The following MAN2A1 variants were observed in gnomAD, a reference collection of about 807,000 sequenced individuals.
MAN2A1 encodes the protein alpha-mannosidase 2.
In MAN2A1, 76 loss-of-function variants were observed where a neutral mutation model predicts 142.6. The ratio of observed to expected loss-of-function variants is 0.53; its 90% CI spans 0.44 to 0.65. The LOEUF is 0.65. MAN2A1 is among the 30% of genes least tolerant of loss of function. The pLI is 0.00. For missense variants in MAN2A1, 1,311 were observed against 1,365.1 expected (o/e 0.96, Z 0.62); for synonymous variants, 559 against 473.2 (o/e 1.18, Z -2.35).
At chr5:109,762,645 A>T (rs1752883142) in intron 5 of MAN2A1, among the ~76,000 whole-genome samples, 1 of 152,132 alleles carries the variant, frequency 6.6e-6, no homozygotes, top group Non-Finnish European at 1.5e-5. Flanking sequence ...CTCCTACCTC[A>T]AGGTGCCTTG....
At position 109,703,656 on chromosome 5, in the gene MAN2A1, A is replaced by C. The variant is rs181697932; in HGVS notation, c.136-9864A>C. On this transcript the variant is annotated intron_variant, in intron 1 of 21. Coordinates refer to ENST00000261483, the MANE Select transcript of MAN2A1 (RefSeq NM_002372.4). The stretch of plus-strand genomic sequence containing the variant: ...CCATAGAACAGATTGGGAAGTGCTG[A>C]ATTAAAGAAAGAGTTCTGTTAGTCA... 4.3e-4 allele frequency among the ~76,000 whole-genome samples: 65 copies of C among 152,364 alleles called. 1 individual carries two copies. The East Asian group carries it at 9.2e-3, about 22-fold the overall frequency.
chr5:109,863,319 C>T (rs1008088271), intron 20 of MAN2A1: 13 of 152,322 alleles, frequency 8.5e-5, no homozygotes, highest in African/African-American at 3.1e-4. Context: ...CTAAGGGCTT[C>T]CTGTGTGCCA....
intron 3 of MAN2A1, among the ~76,000 whole-genome samples, chr5:109,717,277 C>G (rs1751483364): frequency 6.6e-6 from 1 of 151,962 alleles, no homozygotes; most frequent in Admixed American, 6.6e-5. Context: ...TCCTATTTTT[C>G]TATTTTGAAG....
At chr5:109,790,732 A>T (rs893552520) in intron 12 of MAN2A1, among the ~76,000 whole-genome samples, 2 of 152,036 alleles carry the variant, frequency 1.3e-5, no homozygotes, top group African/African-American at 4.8e-5. Context: ...TAGTTCTCTC[A>T]TCTATTAACT....
At chr5:109,774,326 G>A (rs1314497618) in intron 7 of MAN2A1, among the ~76,000 whole-genome samples, 2 of 151,930 alleles carry the variant, frequency 1.3e-5, no homozygotes, top group Non-Finnish European at 2.9e-5. Flanking sequence ...TGTTTAATCA[G>A]ATAATTTTAG....
At chr5:109,838,157 G>A (rs992035177) in intron 16 of MAN2A1, among the ~76,000 whole-genome samples, 1 of 152,000 alleles carries the variant, frequency 6.6e-6, no homozygotes, top group Non-Finnish European at 1.5e-5. Context: ...ACTCTTTTTG[G>A]CCTTTTTATT....
chr5:109,839,774 T>C (rs1336914292), intron 16 of MAN2A1, among the ~76,000 whole-genome samples: 1 of 151,792 alleles, frequency 6.6e-6, no homozygotes, highest in African/African-American at 2.4e-5. Flanking sequence ...AAGAGCAGTA[T>C]ATACCGGAAA....
intron 4 of MAN2A1, among the ~76,000 whole-genome samples, chr5:109,745,343 C>T (rs1284183937): frequency 6.6e-6 from 1 of 152,006 alleles, no homozygotes; most frequent in East Asian, 1.9e-4. Flanking sequence ...ATATGTCTCT[C>T]TTGATATGGA....
chr5:109,868,286 T>G lies in MAN2A1; in HGVS notation c.*1288T>G, dbSNP rs910675828. 2 of 152,226 alleles carry G rather than the reference T, an allele frequency of 1.3e-5. No individual in the cohort carries two copies. The highest frequency in any genetic ancestry group is 2.9e-5 in the Non-Finnish European group (2 of 68,030). The allele number at this position is 152,226 out of a possible 1,614,324, so 9.4% of individuals were successfully genotyped here. On this transcript the variant is annotated 3_prime_UTR_variant, in exon 22 of 22. Transcript: ENST00000261483. The stretch of plus-strand genomic sequence containing the variant: ...ATGTTTGTTCATTCAGTTCTCAACT[T>G]TTGTATGTGCTAACCTTAAAGTGAA...
chr5:109,763,421 G>A (rs757788597), intron 5 of MAN2A1, among the ~76,000 whole-genome samples: 2 of 151,794 alleles, frequency 1.3e-5, no homozygotes, highest in African/African-American at 2.4e-5. Flanking sequence ...CTGAGGATAT[G>A]ACATTTCTTT....
chr5:109,733,662 A>T (rs868278388), intron 4 of MAN2A1, among the ~76,000 whole-genome samples: 94 of 152,210 alleles, frequency 6.2e-4, no homozygotes, highest in African/African-American at 2.1e-3. Flanking sequence ...GCTGGATTAC[A>T]TTTATTGATT....
chr5:109,842,219 G>A (rs1056958494), intron 16 of MAN2A1, 109 bp from the exon 17 acceptor site: 4 of 639,318 alleles, frequency 6.3e-6, no homozygotes, highest in Non-Finnish European at 7.5e-6. Flanking sequence ...AAGACAAGAA[G>A]TAGAAAACAA....
chr5:109,792,272 TCTAC>T (rs1753755772), intron 12 of MAN2A1, among the ~76,000 whole-genome samples: 1 of 152,118 alleles, frequency 6.6e-6, no homozygotes, highest in South Asian at 2.1e-4. Flanking sequence ...TACTTTGACC[TCTAC>T]CTTTTATTAT....
intron 15 of MAN2A1, 26 bp downstream of exon 15, chr5:109,820,368 A>C: frequency 6.3e-7 from 1 of 1,589,604 alleles, no homozygotes; most frequent in African/African-American, 1.4e-5. Context: ...GAGATGACAA[A>C]TGGAATAAAC....
In MAN2A1 at chr5:109,733,950, C is replaced by T. The variant is rs1397806849; in HGVS notation, c.707+4437C>T. Among the ~76,000 whole-genome samples the T allele has an allele frequency of 2.7e-5, 4 of 150,568 alleles. No homozygotes were observed. In the East Asian group the frequency reaches 7.8e-4, roughly 29 times the overall value. On this transcript the variant is annotated intron_variant, in intron 4 of 21. Coordinates refer to ENST00000261483, the MANE Select transcript of MAN2A1 (RefSeq NM_002372.4). ...TCAGAAGGAATGGTACCAGTTCCTC[C>T]TTGTACTTCTGGTAGAATTCGGCTG...
Position 109,774,787 on chromosome 5 carries a change from G to A in MAN2A1, c.1197-1G>A, listed in dbSNP as rs1284605734. On this transcript the variant is annotated splice_acceptor_variant, in intron 7 of 21. Transcript: ENST00000261483. LOFTEE classifies it high-confidence loss of function. ...TTTTTTTGTGTTTGTTTTTTTTGTA[G>A]GGCTCGGATGCTACTAGATCAGTAC... 1 of 1,584,268 alleles carries A rather than the reference G, an allele frequency of 6.3e-7. No individual in the cohort carries two copies. Among genetic ancestry groups the A allele is most frequent in the Admixed American group, 1.9e-5 (1 of 53,588 alleles).
intron 1 of MAN2A1, among the ~76,000 whole-genome samples, chr5:109,712,651 A>G (rs1382578024): frequency 6.6e-6 from 1 of 152,098 alleles, no homozygotes; most frequent in Non-Finnish European, 1.5e-5. Context: ...TTTGCTAGTT[A>G]TAACATCACC....
rs771796102 is a variant in MAN2A1 at position 109,690,516 on chromosome 5, C to T, written c.99C>T (p.Tyr33=). The change falls in exon 1 of 22, where the codon TAC becomes TAT. Residue 33 remains tyrosine (Y), a synonymous_variant. Transcript: ENST00000261483. ...TGCTGGACCGGGGTCACTTAGACTACCCCAGGAACCCGCGCCGCGAGGGCT... is the reference window on the plus strand; with the variant it reads ...TGCTGGACCGGGGTCACTTAGACTATCCCAGGAACCCGCGCCGCGAGGGCT... The part of the protein sequence containing the change: ...YLMLDRGHLD[Y]PRNPRREGSF... The T allele has an allele frequency of 2.5e-6, 4 of 1,612,380 alleles. No individual in the cohort carries two copies. The highest frequency in any genetic ancestry group is 2.5e-6 in the Non-Finnish European group (3 of 1,179,220).
intron 8 of MAN2A1, 61 bp downstream of exon 8, chr5:109,775,026 T>C: frequency 8.7e-7 from 1 of 1,147,128 alleles, no homozygotes; most frequent in Admixed American, 2.4e-5. Flanking sequence ...TAAATGAGAC[T>C]ATAAACAGAA....
Sources: gnomAD v4.1 joint callset for allele counts (sites outside exome capture counted in the v4.1 genomes callset) on GRCh38, gnomAD v4.1.1 for gene constraint, MANE v1.5 for transcripts, NCBI Gene and HGNC (gene_info 2026-07-23, HGNC 2026-07-21) for gene names.